Variants in PDE2A observed in about 807,000 individuals in gnomAD.
PDE2A encodes phosphodiesterase 2A, also known as cGMP-dependent 3',5'-cyclic phosphodiesterase.
In PDE2A, 53 loss-of-function variants were observed where a neutral mutation model predicts 133.6. That is an observed-to-expected ratio of 0.40 (90% confidence interval 0.32 to 0.50). The LOEUF (loss-of-function observed/expected upper bound fraction) is 0.50. Ranked by LOEUF, PDE2A falls within the 20% of genes least tolerant of loss-of-function variation. The pLI is 0.73. For synonymous variants in PDE2A, 491 were observed against 490.2 expected (o/e 1.00, Z -0.02); for missense variants, 796 against 1,232.4 (o/e 0.65, Z 5.30).
Position 72,577,279 on chromosome 11 carries a change from C to A in PDE2A, c.*105G>T. On this transcript the variant is annotated 3_prime_UTR_variant, in exon 31 of 31. Coordinates refer to ENST00000334456, the MANE Select transcript of PDE2A (RefSeq NM_002599.5). ...ACTTGTCCAGGGTCACACAGGAAGT[C>A]CTGGTCTAGGACCCAGGACCCGTGG... 1.3e-6 allele frequency: 1 copy of A among 783,354 alleles called. No homozygotes were observed. Among genetic ancestry groups the A allele is most frequent in the Admixed American group, 2.4e-5 (1 of 41,502 alleles). 48.5% of individuals were successfully genotyped at this position (783,354 alleles called of 1,614,324 possible). A position where few individuals can be genotyped will look rare whatever the true frequency, so the allele number is the denominator to read the frequency against.
Position 72,590,476 on chromosome 11 carries a change from C to A in PDE2A, c.654G>T (p.Lys218Asn). ...CGCGGTCGGTGTACGCCGCCCCGCCCTTCTGGTCTTCCGCCGTCCCCTCCG... is the reference window on the plus strand; with the variant it reads ...CGCGGTCGGTGTACGCCGCCCCGCCATTCTGGTCTTCCGCCGTCCCCTCCG... ...NPPEGTAEDQ[K>N]GGAAYTDRDR... Residue 218 changes from lysine (K) to asparagine (N), a missense_variant, in exon 8 of 31, where the codon AAG becomes AAT. Lys to Asn is a moderately conservative substitution (Grantham distance 94, BLOSUM62 0). Coordinates refer to ENST00000334456, the MANE Select transcript of PDE2A (RefSeq NM_002599.5). This position sits in a 1 kb window ranked among gnomAD's most constrained non-coding sequence, Gnocchi z 4.8. 1 of 1,535,350 alleles carries A rather than the reference C, an allele frequency of 6.5e-7. No individual in the cohort carries two copies. Among genetic ancestry groups the A allele is most frequent in the Non-Finnish European group, 8.7e-7 (1 of 1,144,644 alleles).
chr11:72,590,122 G>T lies in PDE2A; in HGVS notation c.756+70C>A. 7.0e-7 allele frequency: 1 copy of T among 1,433,176 alleles called. No homozygotes were observed. The highest frequency in any genetic ancestry group is 9.6e-7 in the Non-Finnish European group (1 of 1,043,964). 88.8% of individuals were successfully genotyped at this position (1,433,176 alleles called of 1,614,324 possible). On this transcript the variant is annotated intron_variant, in intron 9 of 30. Transcript: ENST00000334456. The surrounding 1 kb of genome is among the most constrained non-coding windows in gnomAD (Gnocchi z 4.8). ...ATCGTAATTGGAACTGAGATGGAGG[G>T]CTCAAGGGGAAGTTGGTCCCCGGAG...
chr11:72,657,715 C>T (rs1438251288), intron 1 of PDE2A: 2 of 444,266 alleles, frequency 4.5e-6, no homozygotes, highest in African/African-American at 2.0e-5. Context: ...TGGACATAGG[C>T]GTCTTAGGAT....
intron 20 of PDE2A, among the ~76,000 whole-genome samples, chr11:72,583,156 C>T (rs768174721): frequency 1.2e-4 from 18 of 152,308 alleles, no homozygotes; most frequent in Non-Finnish European, 2.2e-4. Flanking sequence ...TCAGTAATTC[C>T]CAAGATGGGA....
intron 1 of PDE2A, among the ~76,000 whole-genome samples, chr11:72,646,921 G>C (rs2135443745): frequency 6.6e-6 from 1 of 152,350 alleles, no homozygotes; most frequent in Non-Finnish European, 1.5e-5. Flanking sequence ...TTGAAAGTTA[G>C]ATCTTTCAAG....
chr11:72,627,340 G>T (rs1320742898), intron 2 of PDE2A, among the ~76,000 whole-genome samples: 1 of 152,194 alleles, frequency 6.6e-6, no homozygotes, highest in African/African-American at 2.4e-5. Flanking sequence ...TGGGCTCAGG[G>T]AAATGGGGAC....
intron 1 of PDE2A, among the ~76,000 whole-genome samples, chr11:72,656,712 A>T (rs1350039511): frequency 6.6e-6 from 1 of 151,930 alleles, no homozygotes; most frequent in Non-Finnish European, 1.5e-5. Context: ...TACCTGGGAA[A>T]ATCCTGGCCA....
intron 12 of PDE2A, 39 bp downstream of exon 12, chr11:72,589,136 C>G: frequency 6.4e-7 from 1 of 1,562,330 alleles, no homozygotes; most frequent in Non-Finnish European, 8.8e-7. Context: ...GCAGTGGGGT[C>G]TCCTCTTTCC....
intron 2 of PDE2A, among the ~76,000 whole-genome samples, chr11:72,635,709 G>A (rs1180813454): frequency 6.6e-6 from 1 of 152,208 alleles, no homozygotes; most frequent in Admixed American, 6.5e-5. Flanking sequence ...GTGAGAAAAT[G>A]CAGCCCAGAA....
rs1387314194 is a variant in PDE2A, at chr11:72,581,805, G to A, written c.1922+72C>T. 3.6e-6 allele frequency: 5 copies of A among 1,376,832 alleles called. No individual in the cohort carries two copies. In the Admixed American group the frequency reaches 6.7e-5, roughly 19 times the overall value. The allele number at this position is 1,376,832 out of a possible 1,614,324, so 85.3% of individuals were successfully genotyped here. ...TCCTTAGAGAGATCCTCTCCAGAAT[G>A]CCGGGGGCAACGGATGTGACAGTAG... On this transcript the variant is annotated intron_variant, in intron 22 of 30. Transcript: ENST00000334456.
chr11:72,583,673 C>T (rs1591017230), intron 19 of PDE2A, 158 bp from the exon 20 acceptor site: 2 of 551,520 alleles, frequency 3.6e-6, no homozygotes, highest in African/African-American at 5.6e-5. Context: ...AAAGACCCCA[C>T]CCCCACTTTC....
At chr11:72,639,861 G>C (rs1300865478) in intron 2 of PDE2A, among the ~76,000 whole-genome samples, 1 of 152,106 alleles carries the variant, frequency 6.6e-6, no homozygotes, top group Non-Finnish European at 1.5e-5. Flanking sequence ...GCAAGAACAG[G>C]ATGGCAGCCA....
At chr11:72,583,686 C>A in intron 19 of PDE2A, 171 bp from the exon 20 acceptor site, 1 of 464,858 alleles carries the variant, frequency 2.2e-6, no homozygotes. Flanking sequence ...CCACTTTCAT[C>A]CAGACCCCGC....
At position 72,597,705 on chromosome 11, in the gene PDE2A, C is replaced by T; in HGVS notation, c.324-86G>A. On this transcript the variant is annotated intron_variant, in intron 4 of 30. Coordinates refer to ENST00000334456, the MANE Select transcript of PDE2A (RefSeq NM_002599.5). This position sits in a 1 kb window ranked among gnomAD's most constrained non-coding sequence, Gnocchi z 4.6. ...CCTGGGAACACAGGACAGTTTGGACCCTGCACATGTGCAAGGATCTGGGCA... is the reference window on the plus strand; with the variant it reads ...CCTGGGAACACAGGACAGTTTGGACTCTGCACATGTGCAAGGATCTGGGCA... 1.2e-6 allele frequency: 1 copy of T among 850,124 alleles called. No homozygotes were observed. Among genetic ancestry groups the T allele is most frequent in the Admixed American group, 2.2e-5 (1 of 46,440 alleles). 52.7% of individuals were successfully genotyped at this position (850,124 alleles called of 1,614,324 possible).
chr11:72,668,275 G>A (rs1855295650), intron 1 of PDE2A: 1 of 718,122 alleles, frequency 1.4e-6, no homozygotes, highest in African/African-American at 1.7e-5. Flanking sequence ...TGTGCCCCAG[G>A]TCTGGCTCCA....
chr11:72,582,512 C>A lies in PDE2A; in HGVS notation c.1783G>T (p.Ala595Ser), dbSNP rs1855769279. ...LLHDGIQPVA[A>S]IDSNFASFTY... Reference sequence around the variant, plus strand: ...AAACTTGCAAAATTGGAGTCAATGGCAGCCACAGGCTGGATCCCATCATGG... The same window carrying A: ...AAACTTGCAAAATTGGAGTCAATGGAAGCCACAGGCTGGATCCCATCATGG... The change falls in exon 21 of 31, where the codon GCC (alanine) becomes TCC (serine). Residue 595 changes from alanine to serine, a missense_variant. Coordinates refer to ENST00000334456, the MANE Select transcript of PDE2A (RefSeq NM_002599.5). The A allele has an allele frequency of 6.2e-7, 1 of 1,613,440 alleles. No individual in the cohort carries two copies.
Position 72,578,790 on chromosome 11 carries a change from A to G in PDE2A, c.2469+107T>C. On this transcript the variant is annotated intron_variant, in intron 28 of 30. Transcript: ENST00000334456. This position sits in a 1 kb window ranked among gnomAD's most constrained non-coding sequence, Gnocchi z 4.2. ...ATGGTCTAGGTTTCTGTCTCCCCAG[A>G]ACACAGCCAGGCTGAGCTGAGCAGA... 1.4e-6 allele frequency: 1 copy of G among 739,898 alleles called. No homozygotes were observed. The highest frequency in any genetic ancestry group is 2.7e-4 in the Middle Eastern group (1 of 3,748). 45.8% of individuals were successfully genotyped at this position (739,898 alleles called of 1,614,324 possible).
In PDE2A at chr11:72,581,884, G is replaced by C. The variant is rs1855739647; in HGVS notation, c.1915C>G (p.Leu639Val). 2.5e-6 allele frequency: 4 copies of C among 1,613,918 alleles called. No homozygotes were observed. Among genetic ancestry groups the C allele is most frequent in the Non-Finnish European group, 3.4e-6 (4 of 1,179,866 alleles). The change falls in exon 22 of 31, where the codon CTG (leucine) becomes GTG (valine). Residue 639 changes from leucine to valine, a missense_variant. Physicochemically the swap from Leu to Val is conservative, Grantham distance 32 (BLOSUM62 1). This residue lies in a region of PDE2A where 218 missense variants were observed against 465.9 expected (regional missense o/e 0.47). Coordinates refer to ENST00000334456, the MANE Select transcript of PDE2A (RefSeq NM_002599.5). ...GTCTGTGGGCGCACGAACCGGGCCA[G>C]GGTCGGGCAGTCAATTTTGTAGTTG... ...INNYKIDCPT[L>V]ARFCLMVKKG...
chr11:72,662,206 T>C (rs1372484582), intron 1 of PDE2A, among the ~76,000 whole-genome samples: 1 of 152,156 alleles, frequency 6.6e-6, no homozygotes, highest in Admixed American at 6.5e-5. Flanking sequence ...CTAATGATTG[T>C]CAAGCACTTA....
Sources: allele counts gnomAD v4.1 joint callset (sites outside exome capture counted in the v4.1 genomes callset), GRCh38; gene constraint gnomAD v4.1.1; regional missense constraint gnomAD v4.1.1; non-coding constraint Gnocchi (gnomAD v3.1); transcripts MANE v1.5; gene names NCBI Gene and HGNC (gene_info 2026-07-23, HGNC 2026-07-21).